The following WDPCP variants were observed in gnomAD, a reference collection of about 807,000 sequenced individuals.
The protein encoded by WDPCP is WD repeat-containing and planar cell polarity effector protein fritz homolog.
In WDPCP, 71 loss-of-function variants were observed where a neutral mutation model predicts 93.1. The observed-to-expected ratio is 0.76, with a 90% confidence interval of 0.63 to 0.93. The LOEUF is 0.93. WDPCP is among the 40% of genes least tolerant of loss of function. The pLI is 0.00. For missense variants in WDPCP, 844 were observed against 887.4 expected (o/e 0.95, Z 0.62); for synonymous variants, 315 against 315.0 (o/e 1.00, Z 0.00).
chr2:63,432,042 A>G (rs1462903269), intron 9 of WDPCP, among the ~76,000 whole-genome samples: 3 of 152,184 alleles, frequency 2.0e-5, no homozygotes, highest in Non-Finnish European at 2.9e-5. Context: ...AATGAAAAAA[A>G]TCTACCCTCC....
chr2:63,522,522 G>C (rs181498365), intron 1 of WDPCP, among the ~76,000 whole-genome samples: 1 of 146,120 alleles, frequency 6.8e-6, no homozygotes, highest in East Asian at 2.0e-4. Context: ...AATGAATCCA[G>C]GAGCTGGTTC....
intron 12 of WDPCP, among the ~76,000 whole-genome samples, chr2:63,374,807 A>G (rs1463035263): frequency 6.8e-6 from 1 of 146,818 alleles, no homozygotes; most frequent in Non-Finnish European, 1.5e-5. Context: ...TCGTTTTACA[A>G]TATTGCTTAT....
At chr2:63,182,803 A>T in intron 14 of WDPCP, among the ~76,000 whole-genome samples, 2 of 95,752 alleles carry the variant, frequency 2.1e-5, no homozygotes, top group African/African-American at 8.2e-5. Flanking sequence ...TCCTTAGGAG[A>T]CTTTTTTGTT....
chr2:63,216,058 CAT>C (rs1677306874), intron 14 of WDPCP, among the ~76,000 whole-genome samples: 1 of 152,148 alleles, frequency 6.6e-6, no homozygotes, highest in Non-Finnish European at 1.5e-5. Context: ...CAGGAAACAA[CAT>C]GTGCTGGAGA....
At chr2:63,344,028 C>A (rs937175063) in intron 12 of WDPCP, among the ~76,000 whole-genome samples, 1 of 152,120 alleles carries the variant, frequency 6.6e-6, no homozygotes, top group Admixed American at 6.5e-5. Context: ...TGGGCTTCCC[C>A]AGGGATACGT....
chr2:63,211,867 C>T lies in WDPCP; in HGVS notation c.1916-37035G>A, dbSNP rs186696064. ...TTCGATCAAGTGGAATAAAGGGTATCAGTGATTGAAGATCAAATGAATGAA... is the reference window on the plus strand; with the variant it reads ...TTCGATCAAGTGGAATAAAGGGTATTAGTGATTGAAGATCAAATGAATGAA... On this transcript the variant is annotated intron_variant, in intron 14 of 17. Transcript: ENST00000272321. Among the ~76,000 whole-genome samples, 1,041 of 152,154 alleles carry T rather than the reference C, an allele frequency of 6.8e-3. 2 individuals carry two copies. The highest frequency in any genetic ancestry group is 0.011 in the Admixed American group (174 of 15,290).
At chr2:63,835,066 TA>T in the WDPCP span, among the ~76,000 whole-genome samples, 11 of 149,612 alleles carry the variant, frequency 7.4e-5, no homozygotes, top group East Asian at 1.6e-3. Context: ...TACTGAAATT[TA>T]AAAAAAAAAT....
intron 13 of WDPCP, among the ~76,000 whole-genome samples, chr2:63,266,024 T>C (rs141349954): frequency 6.6e-6 from 1 of 152,192 alleles, no homozygotes; most frequent in African/African-American, 2.4e-5. Context: ...ATAAAGGCCA[T>C]ATATGATAAG....
At chr2:63,362,620 A>C (rs1690572188) in intron 12 of WDPCP, among the ~76,000 whole-genome samples, 1 of 152,008 alleles carries the variant, frequency 6.6e-6, no homozygotes, top group East Asian at 1.9e-4. Flanking sequence ...TCAGAAATTA[A>C]TTTACTTTAC....
At chr2:63,695,619 G>T (rs1282157134) in intron 2 of WDPCP, among the ~76,000 whole-genome samples, 3 of 152,136 alleles carry the variant, frequency 2.0e-5, no homozygotes, top group East Asian at 1.9e-4. Flanking sequence ...GGGCTCTTTT[G>T]GTTTATCAAT....
chr2:63,323,841 G>T (rs552385062), intron 12 of WDPCP, among the ~76,000 whole-genome samples: 3 of 152,258 alleles, frequency 2.0e-5, no homozygotes, highest in African/African-American at 7.2e-5. Flanking sequence ...AGGAAAACTA[G>T]TATTTTTGCT....
chr2:63,783,717 T>C (rs1190565803), intron 2 of WDPCP, among the ~76,000 whole-genome samples: 2 of 152,098 alleles, frequency 1.3e-5, no homozygotes, highest in South Asian at 2.1e-4. Context: ...AGCTAAATAA[T>C]GTGTACACCT....
intron 6 of WDPCP, among the ~76,000 whole-genome samples, chr2:63,468,971 T>A (rs1699527185): frequency 6.6e-6 from 1 of 151,892 alleles, no homozygotes. Context: ...AGCCCCTAAT[T>A]TCTCTCCTCC....
At chr2:63,321,068 A>T (rs796240750) in intron 12 of WDPCP, among the ~76,000 whole-genome samples, 16 of 152,264 alleles carry the variant, frequency 1.1e-4, no homozygotes, top group African/African-American at 3.8e-4. Context: ...GGGACATTTC[A>T]TAATGATAAA....
At chr2:63,420,134 C>A (rs563018291) in intron 9 of WDPCP, among the ~76,000 whole-genome samples, 107 of 151,922 alleles carry the variant, frequency 7.0e-4, no homozygotes, top group African/African-American at 2.4e-3. Flanking sequence ...TACTTTTTTA[C>A]CATGATGCAT....
chr2:63,124,888 T>C (rs1437183153), intron 17 of WDPCP, among the ~76,000 whole-genome samples: 2 of 152,072 alleles, frequency 1.3e-5, no homozygotes, highest in Non-Finnish European at 2.9e-5. Context: ...TTTTCCACTA[T>C]AGTTTTTTAA....
Position 63,282,095 on chromosome 2 carries a change from A to G in WDPCP, c.1813-22686T>C, listed in dbSNP as rs181175033. 5.9e-5 allele frequency among the ~76,000 whole-genome samples: 9 copies of G among 152,366 alleles called. No individual in the cohort carries two copies. The East Asian group carries it at 1.5e-3, about 26-fold the overall frequency. ...GATAAAATAATCCTAAAAGTATTAT[A>G]GAACCACAAACAACTCTAAATACCA... On this transcript the variant is annotated intron_variant, in intron 13 of 17. Coordinates refer to ENST00000272321, the MANE Select transcript of WDPCP (RefSeq NM_015910.7).
intron 1 of WDPCP, among the ~76,000 whole-genome samples, chr2:63,500,638 A>C (rs1322818362): frequency 1.3e-5 from 2 of 152,168 alleles, no homozygotes; most frequent in Non-Finnish European, 2.9e-5. Flanking sequence ...GCTGTAAGCC[A>C]AAAATGCCTT....
intron 9 of WDPCP, among the ~76,000 whole-genome samples, chr2:63,432,893 G>A (rs957675348): frequency 6.6e-6 from 1 of 152,174 alleles, no homozygotes; most frequent in Admixed American, 6.5e-5. Context: ...CTAGAAGCAG[G>A]CAGAAGCTTA....
Sources: gnomAD v4.1 joint callset for allele counts (sites outside exome capture counted in the v4.1 genomes callset) on GRCh38, gnomAD v4.1.1 for gene constraint, MANE v1.5 for transcripts, NCBI Gene and HGNC (gene_info 2026-07-23, HGNC 2026-07-21) for gene names.